CNTN5: variants seen among roughly 807,000 people sequenced by gnomAD.
CNTN5 encodes the protein contactin-5.
Under a neutral mutation model 129.1 loss-of-function variants are expected in CNTN5, and 77 were observed. The ratio of observed to expected loss-of-function variants is 0.60; its 90% CI spans 0.50 to 0.72. The LOEUF (loss-of-function observed/expected upper bound fraction) is 0.72, where lower values mean the gene tolerates loss of function less well. CNTN5 is among the 30% of genes least tolerant of loss of function. CNTN5 has a pLI of 0.00. For synonymous variants in CNTN5, 509 were observed against 465.6 expected, an observed-to-expected ratio of 1.09 and a Z score of -1.20; for missense variants, 1,478 against 1,328.8, an observed-to-expected ratio of 1.11 and a Z score of -1.75.
At chr11:99,819,477 T>A in intron 3 of CNTN5, 67 bp from the exon 4 acceptor site, 1 of 1,390,232 alleles carries the variant, frequency 7.2e-7, no homozygotes, top group Non-Finnish European at 1.0e-6. Flanking sequence ...AAAGAAACAA[T>A]CTTCATAAGA....
chr11:99,457,823 G>A (rs183811220), intron 2 of CNTN5, among the ~76,000 whole-genome samples: 18 of 151,684 alleles, frequency 1.2e-4, no homozygotes, highest in African/African-American at 4.3e-4. Context: ...AAATGGTCAT[G>A]TTTAACAGTC....
At chr11:99,474,213 TA>T (rs1945283731) in intron 2 of CNTN5, among the ~76,000 whole-genome samples, 1 of 151,930 alleles carries the variant, frequency 6.6e-6, no homozygotes, top group Non-Finnish European at 1.5e-5. Flanking sequence ...AGGGATTTTT[TA>T]ATAATTACAT....
At chr11:100,298,780 G>T (rs1160442319) in intron 19 of CNTN5, among the ~76,000 whole-genome samples, 1 of 151,132 alleles carries the variant, frequency 6.6e-6, no homozygotes, top group Admixed American at 6.6e-5. Context: ...GTGGTCTAAA[G>T]GGTTCTGCAG....
chr11:99,291,434 C>T (rs1390523643), intron 1 of CNTN5, among the ~76,000 whole-genome samples: 3 of 151,712 alleles, frequency 2.0e-5, no homozygotes, highest in African/African-American at 7.3e-5. Context: ...TATGCTGTGT[C>T]TTATAGGAGT....
intron 6 of CNTN5, among the ~76,000 whole-genome samples, chr11:99,852,426 C>T (rs2135729365): frequency 6.6e-6 from 1 of 152,280 alleles, no homozygotes; most frequent in Admixed American, 6.5e-5. Context: ...ATCCTCTTGC[C>T]TCAATCTTCC....
Position 99,580,423 on chromosome 11 carries a change from A to G in CNTN5, c.55+24154A>G, listed in dbSNP as rs1226702125. Among the ~76,000 whole-genome samples the G allele has an allele frequency of 1.3e-5, 2 of 152,108 alleles. 1 individual carries two copies. The highest frequency in any genetic ancestry group is 6.3e-3 in the Middle Eastern group (2 of 316). ...AGGAATGGTACCAGCTCTTCCTTGT[A>G]CCTCTGGTAGAATTTGACTGTGAAT... On this transcript the variant is annotated intron_variant, in intron 3 of 24. Transcript: ENST00000524871.
intron 2 of CNTN5, among the ~76,000 whole-genome samples, chr11:99,345,347 A>G (rs1565508033): frequency 6.6e-6 from 1 of 152,090 alleles, no homozygotes. Context: ...ACTTATTAGG[A>G]TTATGTGGTT....
intron 21 of CNTN5, among the ~76,000 whole-genome samples, chr11:100,329,829 C>T (rs1023100693): frequency 1.6e-4 from 24 of 152,166 alleles, no homozygotes; most frequent in African/African-American, 2.2e-4. Context: ...TGAATAGCAA[C>T]GCTTTAATCC....
chr11:99,408,464 A>AAGAAAG (rs1942223334), intron 2 of CNTN5, among the ~76,000 whole-genome samples: 2 of 118,228 alleles, frequency 1.7e-5, no homozygotes, highest in East Asian at 2.9e-4. Context: ...GAAAGAAAGA[A>AAGAAAG]AGAAAGAAAG....
chr11:99,536,207 A>G (rs1004780964), intron 2 of CNTN5, among the ~76,000 whole-genome samples: 1 of 152,148 alleles, frequency 6.6e-6, no homozygotes, highest in African/African-American at 2.4e-5. Flanking sequence ...CTTGTATTTT[A>G]ATGCATTGTT....
chr11:100,287,051 A>G (rs1950812822), intron 18 of CNTN5, among the ~76,000 whole-genome samples: 1 of 152,094 alleles, frequency 6.6e-6, no homozygotes, highest in Admixed American at 6.5e-5. Flanking sequence ...AGGGAAGTTT[A>G]GAGAAAAAAG....
At chr11:99,480,236 A>C (rs1180105224) in intron 2 of CNTN5, among the ~76,000 whole-genome samples, 1 of 152,278 alleles carries the variant, frequency 6.6e-6, no homozygotes, top group African/African-American at 2.4e-5. Flanking sequence ...TCCTTTTATT[A>C]TCTTCTCCAT....
chr11:99,913,204 A>T (rs1949706288), intron 6 of CNTN5, among the ~76,000 whole-genome samples: 1 of 152,056 alleles, frequency 6.6e-6, no homozygotes, highest in Non-Finnish European at 1.5e-5. Flanking sequence ...TTAGTGAGAG[A>T]TGAACAAACA....
intron 18 of CNTN5, among the ~76,000 whole-genome samples, chr11:100,281,376 G>GT (rs1049539600): frequency 6.6e-6 from 1 of 151,912 alleles, no homozygotes; most frequent in Non-Finnish European, 1.5e-5. Flanking sequence ...TATGGTAAAA[G>GT]TTTTTTTTCA....
chr11:99,237,190 T>G (rs986566290), intron 1 of CNTN5, among the ~76,000 whole-genome samples: 1 of 152,152 alleles, frequency 6.6e-6, no homozygotes, highest in Non-Finnish European at 1.5e-5. Context: ...ACTCTTTTTT[T>G]ATATTTTCTT....
At chr11:99,910,558 G>C (rs970861569) in intron 6 of CNTN5, among the ~76,000 whole-genome samples, 1 of 151,948 alleles carries the variant, frequency 6.6e-6, no homozygotes, top group African/African-American at 2.4e-5. Context: ...TCCAAACATT[G>C]AATTGCTTTT....
At chr11:99,852,122 A>T (rs1312641912) in intron 6 of CNTN5, among the ~76,000 whole-genome samples, 3 of 152,214 alleles carry the variant, frequency 2.0e-5, no homozygotes, top group African/African-American at 4.8e-5. Context: ...AAAATAAATT[A>T]GTGTTTGTAA....
chr11:99,023,584 A>G (rs1862982815), intron 1 of CNTN5, among the ~76,000 whole-genome samples: 1 of 152,218 alleles, frequency 6.6e-6, no homozygotes, highest in African/African-American at 2.4e-5. Flanking sequence ...AATACTGTGA[A>G]GATGATTTGA....
intron 2 of CNTN5, among the ~76,000 whole-genome samples, chr11:99,491,721 T>G (rs1946044072): frequency 1.3e-5 from 2 of 152,196 alleles, no homozygotes; most frequent in African/African-American, 4.8e-5. Context: ...TTAGGCTGAC[T>G]GTCTCAATGA....
Sources: allele counts gnomAD v4.1 joint callset (sites outside exome capture counted in the v4.1 genomes callset), GRCh38; gene constraint gnomAD v4.1.1; transcripts MANE v1.5; gene names NCBI Gene and HGNC (gene_info 2026-07-23, HGNC 2026-07-21).